PTPN13: variants seen among roughly 807,000 people sequenced by gnomAD.
The protein encoded by PTPN13 is protein tyrosine phosphatase non-receptor type 13.
PTPN13 carries 191 observed loss-of-function variants against 284.0 expected under a neutral mutation model. The ratio of observed to expected loss-of-function variants is 0.67; its 90% confidence interval spans 0.60 to 0.76. PTPN13 has a LOEUF of 0.76. Ranked by LOEUF, PTPN13 falls within the 30% of genes least tolerant of loss-of-function variation. The pLI, the probability that PTPN13 is intolerant of heterozygous loss-of-function variation, is 0.00. For missense variants in PTPN13, 2,797 were observed against 2,939.9 expected (o/e 0.95, Z 1.12); for synonymous variants, 986 against 1,022.3 (o/e 0.96, Z 0.68).
At chr4:86,732,259 C>A in intron 10 of PTPN13, 141 bp from the exon 11 acceptor site, 1 of 652,104 alleles carries the variant, frequency 1.5e-6, no homozygotes, top group Non-Finnish European at 2.5e-6. Context: ...AAAGCTTCAA[C>A]GTTTGTTTTA....
chr4:86,601,905 ACT>A (rs1764322881), intron 1 of PTPN13, among the ~76,000 whole-genome samples: 1 of 152,046 alleles, frequency 6.6e-6, no homozygotes, highest in African/African-American at 2.4e-5. Flanking sequence ...TTTGCCAGAC[ACT>A]CTACTAGGCA....
intron 1 of PTPN13, among the ~76,000 whole-genome samples, chr4:86,620,670 A>G (rs936087081): frequency 6.6e-6 from 1 of 152,232 alleles, no homozygotes; most frequent in Non-Finnish European, 1.5e-5. Flanking sequence ...AATTAAATTT[A>G]ATTTTCAAAT....
rs1162844415 is a variant in PTPN13 at position 86,686,747 on chromosome 4, G to C, written c.332G>C (p.Gly111Ala). The change falls in exon 4 of 48, where the codon GGG (glycine) becomes GCG (alanine). Residue 111 changes from glycine to alanine, a missense_variant. By Grantham distance (60) the Gly-to-Ala change is moderately conservative. Transcript: ENST00000411767. ...IYSLGMTLYW[G>A]ADYEVPQSQP... is the part of the protein sequence containing the mutation. ...TCTCTTGGAATGACACTGTATTGGG[G>C]GGCTGATTATGAAGTGCCTCAGAGC... The C allele has an allele frequency of 6.3e-7, 1 of 1,580,938 alleles. No homozygotes were observed. The highest frequency in any genetic ancestry group is 1.2e-5 in the South Asian group (1 of 85,034).
In PTPN13 at chr4:86,672,452, A is replaced by G. The variant is rs980452664; in HGVS notation, c.203A>G (p.Asp68Gly). Residue 68 changes from aspartate to glycine, a missense_variant, in exon 3 of 48, where the codon GAT becomes GGT. Coordinates refer to ENST00000411767, the MANE Select transcript of PTPN13 (RefSeq NM_080683.3). The part of the protein sequence containing the change: ...LLPSGSVSFT[D>G]ENISNQDLRA... Reference sequence around the variant, plus strand: ...CCATCTGGTAGTGTGTCATTTACAGATGAAAATATTTCCAATCAGGATCTT... The same window carrying G: ...CCATCTGGTAGTGTGTCATTTACAGGTGAAAATATTTCCAATCAGGATCTT... 1.9e-6 allele frequency: 3 copies of G among 1,585,536 alleles called. No individual in the cohort carries two copies. The African/African-American group carries it at 4.0e-5, about 21-fold the overall frequency.
At chr4:86,626,695 A>T (rs1374358192) in intron 1 of PTPN13, among the ~76,000 whole-genome samples, 1 of 152,118 alleles carries the variant, frequency 6.6e-6, no homozygotes, top group Non-Finnish European at 1.5e-5. Context: ...GAAAAACAGT[A>T]ATCCTGAATA....
At position 86,598,495 on chromosome 4, in the gene PTPN13, G is replaced by A. The variant is rs1004140631; in HGVS notation, c.-6+3706G>A. On this transcript the variant is annotated intron_variant, in intron 1 of 47. Coordinates refer to ENST00000411767, the MANE Select transcript of PTPN13 (RefSeq NM_080683.3). ...ATTAATATGTGCAAATGTGGTTTAA[G>A]TGCAAGCTGACAGTATTTAGTTTGC... Among the ~76,000 whole-genome samples the A allele has an allele frequency of 2.0e-5, 3 of 151,746 alleles. No homozygotes were observed. The East Asian group carries it at 5.8e-4, about 29-fold the overall frequency.
At chr4:86,750,992 A>T in intron 18 of PTPN13, 35 bp from the exon 19 acceptor site, 1 of 1,565,998 alleles carries the variant, frequency 6.4e-7, no homozygotes, top group South Asian at 1.2e-5. Flanking sequence ...TTTTTACATT[A>T]ACACTTCCCT....
chr4:86,796,693 C>A (rs1743378665), intron 40 of PTPN13, among the ~76,000 whole-genome samples, 181 bp from the exon 41 acceptor site: 1 of 152,132 alleles, frequency 6.6e-6, no homozygotes, highest in Non-Finnish European at 1.5e-5. Flanking sequence ...GCAGCAAAGA[C>A]TGTTGGGCCA....
chr4:86,661,313 T>C, intron 2 of PTPN13: 1 of 246,502 alleles, frequency 4.1e-6, no homozygotes, highest in South Asian at 4.1e-5. Flanking sequence ...CTAAGGCTTT[T>C]ACAGAAAACA....
rs1480070290 is a variant in PTPN13 at position 86,814,742 on chromosome 4, A to G, written c.*191A>G. 32 of 506,074 alleles carry G rather than the reference A, an allele frequency of 6.3e-5. 1 individual carries two copies. The highest frequency in any genetic ancestry group is 1.1e-4 in the Non-Finnish European group (31 of 280,964). 31.3% of individuals were successfully genotyped at this position (506,074 alleles called of 1,614,324 possible). ...TGTATTTTTACAGCTACTTTAACCT[A>G]TGATAATTATTTACAAAATTTTAAC... On this transcript the variant is annotated 3_prime_UTR_variant, in exon 48 of 48. Coordinates refer to ENST00000411767, the MANE Select transcript of PTPN13 (RefSeq NM_080683.3).
intron 9 of PTPN13, among the ~76,000 whole-genome samples, chr4:86,721,700 TCCCTCCCCCTCTCCCTCC>T (rs138782117): frequency 0.26 from 17,254 of 66,774 alleles, 1,555 homozygotes; most frequent in East Asian, 0.41. Flanking sequence ...TCTCCCCCGC[TCCCTCCCCCTCTCCCTCC>T]CCCTCCCCTT....
intron 1 of PTPN13, chr4:86,595,589 C>T (rs770034888): frequency 7.8e-5 from 14 of 179,680 alleles, no homozygotes; most frequent in Non-Finnish European, 1.4e-4. Context: ...TCGACACCAC[C>T]GCACACTTCC....
intron 21 of PTPN13, 50 bp from the exon 22 acceptor site, chr4:86,758,628 T>C (rs755566085): frequency 3.4e-6 from 5 of 1,468,302 alleles, no homozygotes; most frequent in Admixed American, 1.7e-5. Flanking sequence ...TAATCATTAG[T>C]CTTTGAAAGC....
intron 1 of PTPN13, among the ~76,000 whole-genome samples, chr4:86,620,171 T>C (rs957171091): frequency 2.6e-5 from 4 of 152,124 alleles, no homozygotes; most frequent in Admixed American, 6.5e-5. Context: ...TATTGTTAAT[T>C]ATTATTATTT....
At chr4:86,709,452 T>C (rs1270385384) in intron 7 of PTPN13, among the ~76,000 whole-genome samples, 1 of 152,108 alleles carries the variant, frequency 6.6e-6, no homozygotes, top group African/African-American at 2.4e-5. Flanking sequence ...ATAAATGGAG[T>C]ATTACAATGT....
intron 1 of PTPN13, among the ~76,000 whole-genome samples, chr4:86,611,043 A>G (rs773448245): frequency 6.6e-6 from 1 of 152,204 alleles, no homozygotes; most frequent in Non-Finnish European, 1.5e-5. Context: ...TATTTTTCTT[A>G]GAAAAATTTT....
intron 2 of PTPN13, among the ~76,000 whole-genome samples, chr4:86,662,941 G>T (rs567717088): frequency 6.6e-6 from 1 of 152,298 alleles, no homozygotes; most frequent in Non-Finnish European, 1.5e-5. Flanking sequence ...CTTGAGCCCA[G>T]AAGTTTGAGG....
chr4:86,619,764 CTTT>C (rs77101775), intron 1 of PTPN13, among the ~76,000 whole-genome samples: 1 of 145,962 alleles, frequency 6.9e-6, no homozygotes, highest in African/African-American at 2.5e-5. Context: ...TTTCTTTTTT[CTTT>C]TTTTTTTTCC....
At chr4:86,734,923 C>T (rs542079556) in intron 14 of PTPN13, 48 bp downstream of exon 14, 70 of 1,573,978 alleles carry the variant, frequency 4.4e-5, no homozygotes, top group South Asian at 3.8e-4. Context: ...GGTGTTGTTA[C>T]CTTTAACATA....
Sources: gnomAD v4.1 joint callset for allele counts (sites outside exome capture counted in the v4.1 genomes callset) on GRCh38, gnomAD v4.1.1 for gene constraint, MANE v1.5 for transcripts, NCBI Gene and HGNC (gene_info 2026-07-23, HGNC 2026-07-21) for gene names.